The following KANK1 variants were observed in gnomAD, a reference collection of about 807,000 sequenced individuals.
The protein encoded by KANK1 is KN motif and ankyrin repeat domains 1, also known as KN motif and ankyrin repeat domain-containing protein 1.
KANK1 carries 109 observed loss-of-function variants against 106.2 expected under a neutral mutation model. The observed-to-expected ratio is 1.03, with a 90% CI of 0.88 to 1.20. KANK1 has a LOEUF of 1.20. KANK1 is among the 50% of genes most tolerant of loss of function. The probability of loss-of-function intolerance (pLI) is 0.00; values close to 1 mark genes in which losing one functional copy is unlikely to be tolerated. For synonymous variants in KANK1, 873 were observed against 652.2 expected, an observed-to-expected ratio of 1.34 and a Z score of -5.16; for missense variants, 2,399 against 1,710.7, an observed-to-expected ratio of 1.40 and a Z score of -7.10.
chr9:489,862 G>A (rs905074565), intron 3 of KANK1, among the ~76,000 whole-genome samples: 1 of 152,258 alleles, frequency 6.6e-6, no homozygotes, highest in Admixed American at 6.5e-5. Flanking sequence ...ACAGTTCTAG[G>A]TAGAGCTTGG....
At chr9:485,802 C>T (rs995336568) in intron 3 of KANK1, among the ~76,000 whole-genome samples, 13 of 147,786 alleles carry the variant, frequency 8.8e-5, no homozygotes, top group African/African-American at 1.5e-4. Flanking sequence ...ACCTGGGAGG[C>T]GGAGGCTGCA....
chr9:603,461 T>A (rs926041241), intron 1 of KANK1, among the ~76,000 whole-genome samples: 4 of 151,856 alleles, frequency 2.6e-5, no homozygotes, highest in African/African-American at 9.7e-5. Context: ...ATGTAAAGGT[T>A]AGTAATGTAA....
At chr9:497,651 G>A (rs1343867595) in intron 3 of KANK1, among the ~76,000 whole-genome samples, 2 of 152,136 alleles carry the variant, frequency 1.3e-5, no homozygotes, top group African/African-American at 4.8e-5. Flanking sequence ...TCAGGAGTTT[G>A]AGATCAGCCT....
intron 1 of KANK1, among the ~76,000 whole-genome samples, chr9:629,733 C>T (rs984613287): frequency 1.3e-5 from 2 of 152,140 alleles, no homozygotes; most frequent in Non-Finnish European, 2.9e-5. Context: ...GGAGATATAA[C>T]ACCTTGTATA....
At chr9:611,037 C>G (rs911781528) in intron 1 of KANK1, among the ~76,000 whole-genome samples, 1 of 152,138 alleles carries the variant, frequency 6.6e-6, no homozygotes, top group Non-Finnish European at 1.5e-5. Context: ...TATGTTGTCA[C>G]TCACTTTATT....
At chr9:546,649 C>G (rs142247646) in intron 1 of KANK1, among the ~76,000 whole-genome samples, 195 of 152,128 alleles carry the variant, frequency 1.3e-3, no homozygotes, top group African/African-American at 4.6e-3. Context: ...GCCATTTTCA[C>G]TATTCCCTCT....
At chr9:640,608 G>A (rs1337777973) in intron 1 of KANK1, among the ~76,000 whole-genome samples, 1 of 151,886 alleles carries the variant, frequency 6.6e-6, no homozygotes, top group African/African-American at 2.4e-5. Flanking sequence ...TGTTGGCCAG[G>A]CTGGTCTTGA....
At chr9:512,733 A>G (rs777172382) in intron 1 of KANK1, among the ~76,000 whole-genome samples, 28 of 152,120 alleles carry the variant, frequency 1.8e-4, no homozygotes, top group Non-Finnish European at 3.8e-4. Context: ...GGGAGTGTCA[A>G]AGAATTTGCA....
intron 1 of KANK1, among the ~76,000 whole-genome samples, chr9:551,708 G>A (rs538125901): frequency 3.3e-5 from 5 of 152,036 alleles, no homozygotes; most frequent in Admixed American, 3.3e-4. Context: ...GCAGACTGAC[G>A]ACATTAAAAA....
chr9:477,848 C>G (rs183477554), intron 3 of KANK1: 4 of 152,508 alleles, frequency 2.6e-5, no homozygotes, highest in African/African-American at 9.6e-5. Flanking sequence ...CATCTAGCCA[C>G]CTCTGCCATG....
At chr9:607,484 CAAAAAA>C (rs760884670) in intron 1 of KANK1, among the ~76,000 whole-genome samples, 3 of 61,222 alleles carry the variant, frequency 4.9e-5, no homozygotes, top group Admixed American at 1.9e-4. Context: ...GACTCCATCT[CAAAAAA>C]AAAAAAAAAA....
chr9:687,021 A>ATTCCT, intron 2 of KANK1: 1 of 645,750 alleles, frequency 1.5e-6, no homozygotes, highest in African/African-American at 2.1e-5. Flanking sequence ...ATACTGCTGA[A>ATTCCT]TTTCTTTTCT....
At chr9:716,023 C>T (rs928266272) in intron 3 of KANK1, among the ~76,000 whole-genome samples, 1 of 152,120 alleles carries the variant, frequency 6.6e-6, no homozygotes, top group Non-Finnish European at 1.5e-5. Flanking sequence ...TATTTCTGAA[C>T]CAAAAGATAT....
intron 1 of KANK1, among the ~76,000 whole-genome samples, chr9:506,006 T>A (rs976801881): frequency 6.6e-6 from 1 of 152,098 alleles, no homozygotes; most frequent in East Asian, 1.9e-4. Flanking sequence ...CACGTTTTAT[T>A]TAAAAAAAAT....
At chr9:727,969 A>G (rs1325655672) in intron 3 of KANK1, among the ~76,000 whole-genome samples, 2 of 152,106 alleles carry the variant, frequency 1.3e-5, no homozygotes, top group African/African-American at 4.8e-5. Context: ...GGAAGTGTCA[A>G]ACATGCCTCA....
intron 1 of KANK1, among the ~76,000 whole-genome samples, chr9:639,609 G>T (rs113445774): frequency 3.3e-5 from 5 of 152,112 alleles, no homozygotes; most frequent in South Asian, 2.1e-4. Flanking sequence ...GAGCCACTGC[G>T]CCTGGCCTGA....
intron 1 of KANK1, among the ~76,000 whole-genome samples, chr9:611,624 A>T (rs1830573230): frequency 6.6e-6 from 1 of 152,240 alleles, no homozygotes; most frequent in South Asian, 2.1e-4. Flanking sequence ...GACACTAATT[A>T]TCTGACTGTC....
intron 1 of KANK1, among the ~76,000 whole-genome samples, chr9:577,944 A>G (rs933132123): frequency 6.6e-6 from 1 of 152,180 alleles, no homozygotes; most frequent in Non-Finnish European, 1.5e-5. Flanking sequence ...AGCCCCAAAG[A>G]GTGCTAGTTG....
At chr9:652,783 A>C (rs933843677) in intron 1 of KANK1, among the ~76,000 whole-genome samples, 11 of 152,224 alleles carry the variant, frequency 7.2e-5, no homozygotes, top group Admixed American at 7.2e-4. Flanking sequence ...ATAGTAGTAG[A>C]ATTACGGCTG....
Sources: allele counts gnomAD v4.1 joint callset (sites outside exome capture counted in the v4.1 genomes callset), GRCh38; gene constraint gnomAD v4.1.1; transcripts MANE v1.5; gene names NCBI Gene and HGNC (gene_info 2026-07-23, HGNC 2026-07-21).